Variants in DOCK4 observed in about 807,000 individuals in gnomAD.
The protein encoded by DOCK4 is dedicator of cytokinesis protein 4.
DOCK4 carries 97 observed loss-of-function variants against 268.1 expected under a neutral mutation model. The ratio of observed to expected loss-of-function variants is 0.36; its 90% CI spans 0.31 to 0.43. The LOEUF is 0.43. Ranked by LOEUF, DOCK4 falls within the 20% of genes least tolerant of loss-of-function variation. DOCK4 has a pLI of 1.00. For missense variants in DOCK4, 2,145 were observed against 2,455.7 expected, an observed-to-expected ratio of 0.87 and a Z score of 2.67; for synonymous variants, 954 against 887.2, an observed-to-expected ratio of 1.08 and a Z score of -1.34.
chr7:112,106,336 C>T (rs1050912488), intron 1 of DOCK4, among the ~76,000 whole-genome samples: 4 of 152,184 alleles, frequency 2.6e-5, no homozygotes, highest in Non-Finnish European at 5.9e-5. Context: ...ATCAGACAAC[C>T]AGATGGCAGG....
chr7:111,882,872 G>T (rs1006922923), intron 16 of DOCK4, among the ~76,000 whole-genome samples: 2 of 152,138 alleles, frequency 1.3e-5, no homozygotes, highest in African/African-American at 4.8e-5. Context: ...GCCTCCGAAA[G>T]TGCTGGGATT....
At chr7:112,010,915 T>A (rs952246788) in intron 1 of DOCK4, among the ~76,000 whole-genome samples, 1 of 152,214 alleles carries the variant, frequency 6.6e-6, no homozygotes, top group East Asian at 1.9e-4. Flanking sequence ...GTCATCCTCC[T>A]TGAACCACAA....
chr7:111,909,178 G>GT (rs1791877776), intron 13 of DOCK4, among the ~76,000 whole-genome samples: 1 of 152,188 alleles, frequency 6.6e-6, no homozygotes, highest in African/African-American at 2.4e-5. Flanking sequence ...AGCATCTGTT[G>GT]TTTCCTGACT....
intron 1 of DOCK4, among the ~76,000 whole-genome samples, chr7:112,204,530 C>T (rs1047379475): frequency 2.6e-5 from 4 of 152,186 alleles, no homozygotes; most frequent in Admixed American, 6.5e-5. Flanking sequence ...AACATCTACT[C>T]CTTGCCAGTA....
In DOCK4 at chr7:112,158,533, T is replaced by C. The variant is rs1234291000; in HGVS notation, c.37+47569A>G. Among the ~76,000 whole-genome samples, 9 of 152,216 alleles carry C rather than the reference T, an allele frequency of 5.9e-5. No homozygotes were observed. In the East Asian group the frequency reaches 1.5e-3, roughly 26 times the overall value. ...AAGGTTCATAAAATAATCTTCAAGA[T>C]ACTAGTTATATACTTACAGTATTGC... On this transcript the variant is annotated intron_variant, in intron 1 of 52. Coordinates refer to ENST00000428084, the MANE Select transcript of DOCK4 (RefSeq NM_001363540.2).
At chr7:112,142,707 A>G (rs1307620898) in intron 1 of DOCK4, among the ~76,000 whole-genome samples, 1 of 152,072 alleles carries the variant, frequency 6.6e-6, no homozygotes, top group Admixed American at 6.6e-5. Context: ...ACTAAACAGG[A>G]TCCTGAATTT....
chr7:112,011,394 T>A (rs1023452316), intron 1 of DOCK4, among the ~76,000 whole-genome samples: 2 of 152,218 alleles, frequency 1.3e-5, no homozygotes, highest in African/African-American at 4.8e-5. Flanking sequence ...TCTGGCCCAA[T>A]TTGTTTAAAG....
chr7:112,060,590 T>C (rs1164117641), intron 1 of DOCK4, among the ~76,000 whole-genome samples: 6 of 152,164 alleles, frequency 3.9e-5, no homozygotes, highest in Non-Finnish European at 8.8e-5. Flanking sequence ...AACAGATGGC[T>C]GGATAAGCAA....
At position 112,080,140 on chromosome 7, in the gene DOCK4, G is replaced by C. The variant is rs73715413; in HGVS notation, c.38-76009C>G. On this transcript the variant is annotated intron_variant, in intron 1 of 52. Transcript: ENST00000428084. ...AATCAGTATTCTAATTTACCTATCA[G>C]GTAAATATGGATTATTAGATTTTCT... Among the ~76,000 whole-genome samples the C allele has an allele frequency of 3.8e-3, 579 of 152,078 alleles. 3 individuals carry two copies. The highest frequency in any genetic ancestry group is 0.013 in the African/African-American group (545 of 41,506).
At position 111,741,585 on chromosome 7, in the gene DOCK4, G is replaced by C; in HGVS notation, c.4874C>G (p.Pro1625Arg). ...GGTACCATCTGGGCTCACAGAAGCA[G>C]GTGCTGAGTTTCTACACACACGAGG... ...GSPRVCRNSAPASVSPDGTRV... is the reference protein window; with the variant it reads ...GSPRVCRNSARASVSPDGTRV... Residue 1625 changes from proline to arginine, a missense_variant, in exon 46 of 53, where the codon CCT becomes CGT. By Grantham distance (103) the Pro-to-Arg change is moderately radical (BLOSUM62 -2). Coordinates refer to ENST00000428084, the MANE Select transcript of DOCK4 (RefSeq NM_001363540.2). 6.2e-7 allele frequency: 1 copy of C among 1,613,640 alleles called. No individual in the cohort carries two copies. Among genetic ancestry groups the C allele is most frequent in the Non-Finnish European group, 8.5e-7 (1 of 1,179,750 alleles).
intron 1 of DOCK4, among the ~76,000 whole-genome samples, chr7:112,191,451 C>A (rs1038330648): frequency 2.0e-5 from 3 of 152,060 alleles, no homozygotes; most frequent in Non-Finnish European, 4.4e-5. Flanking sequence ...TGCCCCACAC[C>A]CCCACCCACC....
At chr7:112,052,074 C>T (rs1467437786) in intron 1 of DOCK4, among the ~76,000 whole-genome samples, 6 of 152,132 alleles carry the variant, frequency 3.9e-5, no homozygotes, top group Admixed American at 3.3e-4. Flanking sequence ...CCCCCATATA[C>T]TTTAAATCAT....
intron 36 of DOCK4, among the ~76,000 whole-genome samples, chr7:111,777,450 T>C (rs1318480784): frequency 6.6e-6 from 1 of 152,200 alleles, no homozygotes; most frequent in East Asian, 1.9e-4. Context: ...GTAAATAAAG[T>C]ATTTTTATCC....
At position 111,760,191 on chromosome 7, in the gene DOCK4, T is replaced by C; in HGVS notation, c.4152A>G (p.Ala1384=). ...ANQPDETIFQ[A]EAQYLQIYAV... is the part of the protein sequence containing the mutation. ...TGTAGGTGCGGATACACTGAGCTTC[T>C]GCCTGGAAGATGGTCTCATCGGGCT... Residue 1384 remains alanine, a synonymous_variant, in exon 40 of 53, where the codon GCA becomes GCG. Transcript: ENST00000428084. The C allele has an allele frequency of 6.2e-7, 1 of 1,613,958 alleles. No individual in the cohort carries two copies. The highest frequency in any genetic ancestry group is 8.5e-7 in the Non-Finnish European group (1 of 1,179,868).
At chr7:112,157,446 T>C (rs769665900) in intron 1 of DOCK4, among the ~76,000 whole-genome samples, 4 of 152,196 alleles carry the variant, frequency 2.6e-5, no homozygotes, top group Non-Finnish European at 5.9e-5. Context: ...CACCACTCTA[T>C]AGCAACTACA....
At chr7:111,826,989 C>T (rs1802449554) in intron 26 of DOCK4, among the ~76,000 whole-genome samples, 1 of 151,998 alleles carries the variant, frequency 6.6e-6, no homozygotes, top group Non-Finnish European at 1.5e-5. Flanking sequence ...GTTCATGAAA[C>T]ATGAGTTAAG....
At chr7:111,813,137 T>C (rs1048514022) in intron 27 of DOCK4, among the ~76,000 whole-genome samples, 4 of 152,188 alleles carry the variant, frequency 2.6e-5, no homozygotes, top group African/African-American at 4.8e-5. Flanking sequence ...AATATATAAA[T>C]TGTCGATATT....
chr7:112,060,451 C>T (rs539431468), intron 1 of DOCK4, among the ~76,000 whole-genome samples: 21 of 152,230 alleles, frequency 1.4e-4, no homozygotes, highest in South Asian at 6.2e-4. Flanking sequence ...CCATATGATC[C>T]AGCAATTCTA....
intron 29 of DOCK4, 49 bp from the exon 30 acceptor site, chr7:111,808,928 G>T (rs956031687): frequency 1.3e-6 from 2 of 1,581,202 alleles, no homozygotes; most frequent in Admixed American, 3.5e-5. Flanking sequence ...CCAGAACAAG[G>T]AAGTATTTGT....
Sources: gnomAD v4.1 joint callset for allele counts (sites outside exome capture counted in the v4.1 genomes callset) on GRCh38, gnomAD v4.1.1 for gene constraint, MANE v1.5 for transcripts, NCBI Gene and HGNC (gene_info 2026-07-23, HGNC 2026-07-21) for gene names.